The following FLVCR2 variants were observed in gnomAD, a reference collection of about 807,000 sequenced individuals.
FLVCR2 encodes choline/ethanolamine transporter FLVCR2.
In FLVCR2, 38 loss-of-function variants were observed where a neutral mutation model predicts 48.9. That is an observed-to-expected ratio of 0.78 (90% CI 0.60 to 1.02). FLVCR2 has a LOEUF of 1.02. FLVCR2 is among the 50% of genes least tolerant of loss of function. The pLI is 0.00. For synonymous variants in FLVCR2, 255 were observed against 257.0 expected, an observed-to-expected ratio of 0.99 and a Z score of 0.07; for missense variants, 664 against 663.3, an observed-to-expected ratio of 1.00 and a Z score of -0.01.
At chr14:75,610,699 A>G (rs1208483188) in intron 1 of FLVCR2, among the ~76,000 whole-genome samples, 1 of 152,208 alleles carries the variant, frequency 6.6e-6, no homozygotes, top group African/African-American at 2.4e-5. Context: ...GGTGCCTAGT[A>G]TGCAGCAGGT....
intron 3 of FLVCR2, among the ~76,000 whole-genome samples, chr14:75,627,859 A>G (rs1000699192): frequency 2.0e-5 from 3 of 152,220 alleles, no homozygotes; most frequent in East Asian, 1.9e-4. Context: ...AAAGAAAATG[A>G]TTCTTAGACT....
In FLVCR2 at chr14:75,634,976, A is replaced by G. The variant is rs767767071; in HGVS notation, c.1087A>G (p.Ile363Val). The change falls in exon 5 of 10, where the codon ATC becomes GTC. Residue 363 changes from isoleucine to valine, a missense_variant. Transcript: ENST00000238667. Reference protein sequence around the residue: ...IVIAGMLGAVISGIWLDRSKT... With the variant: ...IVIAGMLGAVVSGIWLDRSKT... ...CATTGCAGGAATGCTTGGGGCTGTG[A>G]TCTCAGGAATCTGGCTGGATAGGTC... 3 of 1,613,958 alleles carry G rather than the reference A, an allele frequency of 1.9e-6. No homozygotes were observed. Among genetic ancestry groups the G allele is most frequent in the Non-Finnish European group, 2.5e-6 (3 of 1,179,824 alleles).
chr14:75,599,404 T>C (rs547565577), intron 1 of FLVCR2, among the ~76,000 whole-genome samples: 3 of 150,664 alleles, frequency 2.0e-5, no homozygotes, highest in African/African-American at 7.3e-5. Flanking sequence ...AAACCAAGGA[T>C]GTAAAAGTCA....
At chr14:75,596,792 C>T (rs1016296) in intron 1 of FLVCR2, among the ~76,000 whole-genome samples, 12 of 125,746 alleles carry the variant, frequency 9.5e-5, no homozygotes, top group African/African-American at 2.1e-4. Flanking sequence ...CCCCCCCCCC[C>T]GCCCCCACAT....
chr14:75,588,191 AACAGAAATTTATTTAGCTTAC>A (rs1470969188), intron 1 of FLVCR2, among the ~76,000 whole-genome samples: 1 of 152,172 alleles, frequency 6.6e-6, no homozygotes, highest in East Asian at 1.9e-4. Flanking sequence ...ATTTGTAATG[AACAGAAATTTATTTAGCTTAC>A]AGTTTGAGAG....
chr14:75,627,349 T>C (rs189626606), intron 3 of FLVCR2, among the ~76,000 whole-genome samples: 1 of 149,838 alleles, frequency 6.7e-6, no homozygotes, highest in East Asian at 1.9e-4. Flanking sequence ...AAATGAATTT[T>C]TTCAGAACTT....
chr14:75,600,433 A>G (rs1259347731), intron 1 of FLVCR2, among the ~76,000 whole-genome samples: 1 of 152,202 alleles, frequency 6.6e-6, no homozygotes, highest in Non-Finnish European at 1.5e-5. Flanking sequence ...GCCATTCTTT[A>G]TTCCTTTACT....
At chr14:75,586,222 C>T (rs1010041060) in intron 1 of FLVCR2, among the ~76,000 whole-genome samples, 2 of 152,024 alleles carry the variant, frequency 1.3e-5, no homozygotes, top group Admixed American at 6.6e-5. Context: ...TTGGGATAGG[C>T]GGTGGGTTAG....
chr14:75,633,548 C>G (rs1044483713), intron 3 of FLVCR2, 81 bp from the exon 4 acceptor site: 42 of 1,109,154 alleles, frequency 3.8e-5, no homozygotes, highest in Admixed American at 2.5e-4. Flanking sequence ...TCTGCCCACC[C>G]CCCAAATGCT....
intron 1 of FLVCR2, among the ~76,000 whole-genome samples, chr14:75,588,287 G>A (rs1386593289): frequency 1.3e-5 from 2 of 152,180 alleles, no homozygotes; most frequent in Non-Finnish European, 2.9e-5. Context: ...TCATAACATG[G>A]TGAATGGCAT....
At chr14:75,602,684 G>A (rs57021903) in intron 1 of FLVCR2, among the ~76,000 whole-genome samples, 52,419 of 152,036 alleles carry the variant, frequency 0.34, 12,263 homozygotes, top group East Asian at 0.65. Flanking sequence ...GGAGAGAATG[G>A]GGAGTTACTG....
intron 1 of FLVCR2, among the ~76,000 whole-genome samples, chr14:75,582,930 CA>C (rs1178986783): frequency 6.6e-6 from 1 of 152,152 alleles, no homozygotes; most frequent in Non-Finnish European, 1.5e-5. Flanking sequence ...ACACGATCAG[CA>C]GGGAGAGCAC....
intron 1 of FLVCR2, among the ~76,000 whole-genome samples, chr14:75,594,721 CTTT>C (rs750721894): frequency 7.0e-6 from 1 of 143,588 alleles, no homozygotes; most frequent in Admixed American, 7.0e-5. Context: ...GACATTATCA[CTTT>C]TTTTTTTTTT....
At position 75,640,213 on chromosome 14, in the gene FLVCR2, C is replaced by T. The variant is rs190558768; in HGVS notation, c.1236-742C>T. Among the ~76,000 whole-genome samples, 17 of 139,296 alleles carry T rather than the reference C, an allele frequency of 1.2e-4. No homozygotes were observed. In the East Asian group the frequency reaches 1.7e-3, roughly 14 times the overall value. The allele number at this position is 139,296 out of a possible 152,430, so 91.4% of individuals were successfully genotyped here. ...GGCGGAAGTTGCAGTGAGCCAAGAT[C>T]GAACTACTGCACTCCAGCCTGGGAG... is the stretch of plus-strand genomic sequence containing the variant. On this transcript the variant is annotated intron_variant, in intron 6 of 9. Coordinates refer to ENST00000238667, the MANE Select transcript of FLVCR2 (RefSeq NM_017791.3).
intron 9 of FLVCR2, 85 bp downstream of exon 9, chr14:75,641,983 A>G: frequency 1.6e-6 from 2 of 1,220,688 alleles, no homozygotes; most frequent in South Asian, 2.4e-5. Context: ...GGCAGGGAGA[A>G]CTCCCACAGG....
intron 1 of FLVCR2, among the ~76,000 whole-genome samples, chr14:75,585,858 G>A (rs1489498196): frequency 6.6e-6 from 1 of 152,244 alleles, no homozygotes; most frequent in African/African-American, 2.4e-5. Flanking sequence ...CAGGGAGATT[G>A]ATGGGTAGCA....
At chr14:75,623,752 T>TA (rs939582322) in intron 2 of FLVCR2, among the ~76,000 whole-genome samples, 29 of 151,620 alleles carry the variant, frequency 1.9e-4, no homozygotes, top group Admixed American at 1.5e-3. Flanking sequence ...AGAGGTGATT[T>TA]AAAAAAAAAT....
Position 75,633,710 on chromosome 14 carries a change from C to G in FLVCR2, c.1020+14C>G, listed in dbSNP as rs1221138158. 2.5e-6 allele frequency: 4 copies of G among 1,602,160 alleles called. No homozygotes were observed. In the Admixed American group the frequency reaches 6.7e-5, roughly 27 times the overall value. ...TGGCACTACCCGGTAAGGGAGTTCC[C>G]TAAGCATGTTGGGCCTCAAGATGAT... On this transcript the variant is annotated intron_variant, in intron 4 of 9. Coordinates refer to ENST00000238667, the MANE Select transcript of FLVCR2 (RefSeq NM_017791.3).
At chr14:75,597,831 A>G (rs1165124859) in intron 1 of FLVCR2, among the ~76,000 whole-genome samples, 1 of 151,974 alleles carries the variant, frequency 6.6e-6, no homozygotes, top group Non-Finnish European at 1.5e-5. Context: ...CAGCCTCCCA[A>G]TGTGCTGGGA....
Sources: gnomAD v4.1 joint callset for allele counts (sites outside exome capture counted in the v4.1 genomes callset) on GRCh38, gnomAD v4.1.1 for gene constraint, MANE v1.5 for transcripts, NCBI Gene and HGNC (gene_info 2026-07-23, HGNC 2026-07-21) for gene names.